ITSN1: variants seen among roughly 807,000 people sequenced by gnomAD.
ITSN1 encodes the protein intersectin-1.
Under a neutral mutation model 239.8 loss-of-function variants are expected in ITSN1, and 58 were observed. The ratio of observed to expected loss-of-function variants is 0.24; its 90% CI spans 0.20 to 0.30. The LOEUF (loss-of-function observed/expected upper bound fraction) is 0.30. Ranked by LOEUF, ITSN1 falls within the 10% of genes least tolerant of loss-of-function variation. The probability of loss-of-function intolerance (pLI) is 1.00; values close to 1 mark genes in which losing one functional copy is unlikely to be tolerated. For synonymous variants in ITSN1, 780 were observed against 770.8 expected (o/e 1.01, Z -0.20); for missense variants, 1,558 against 2,103.3 (o/e 0.74, Z 5.07).
chr21:33,825,528 G>A (rs1021748362), intron 25 of ITSN1, among the ~76,000 whole-genome samples: 1 of 152,186 alleles, frequency 6.6e-6, no homozygotes, highest in African/African-American at 2.4e-5. Context: ...GGACTTTATA[G>A]GTGCAGGGAG....
intron 1 of ITSN1, among the ~76,000 whole-genome samples, chr21:33,684,298 A>C (rs925357456): frequency 6.6e-5 from 10 of 152,198 alleles, no homozygotes; most frequent in African/African-American, 2.4e-4. Flanking sequence ...TCATTGCTAG[A>C]GACTAAATTG....
chr21:33,775,483 C>T (rs886862074), intron 14 of ITSN1, among the ~76,000 whole-genome samples: 2 of 152,084 alleles, frequency 1.3e-5, no homozygotes, highest in South Asian at 4.1e-4. Flanking sequence ...ATAGAGAGTC[C>T]TAGGGATAGG....
At chr21:33,744,019 C>G (rs77841744) in intron 5 of ITSN1, among the ~76,000 whole-genome samples, 2 of 152,156 alleles carry the variant, frequency 1.3e-5, no homozygotes, top group Non-Finnish European at 2.9e-5. Context: ...ATAGCTAGAC[C>G]TAGGTCATCA....
At chr21:33,837,933 T>C (rs2074683482) in intron 29 of ITSN1, 1 of 985,700 alleles carries the variant, frequency 1.0e-6, no homozygotes, top group Admixed American at 6.1e-5. Flanking sequence ...CTCTGTTACA[T>C]GAAGTTTTAT....
chr21:33,872,798 A>C (rs1273229934), intron 33 of ITSN1, among the ~76,000 whole-genome samples: 1 of 152,026 alleles, frequency 6.6e-6, no homozygotes, highest in Non-Finnish European at 1.5e-5. Flanking sequence ...TCCCAAAGCA[A>C]TTTTTATTCT....
intron 1 of ITSN1, among the ~76,000 whole-genome samples, chr21:33,688,064 C>T (rs1228865774): frequency 1.3e-5 from 2 of 150,990 alleles, no homozygotes; most frequent in African/African-American, 4.9e-5. Context: ...TTCAAAAAAT[C>T]ATCACTGTTT....
intron 5 of ITSN1, among the ~76,000 whole-genome samples, chr21:33,738,372 C>T (rs2066629474): frequency 6.6e-6 from 1 of 152,030 alleles, no homozygotes; most frequent in African/African-American, 2.4e-5. Flanking sequence ...GGCCATATTT[C>T]TAACAAAGGA....
chr21:33,851,220 G>T (rs377554282), intron 29 of ITSN1, among the ~76,000 whole-genome samples: 1 of 151,962 alleles, frequency 6.6e-6, no homozygotes, highest in Non-Finnish European at 1.5e-5. Flanking sequence ...CTGGGTGAAG[G>T]CTTGCTCTTG....
rs146486597 is a variant in ITSN1 at position 33,701,044 on chromosome 21, A to G, written c.-32-17753A>G. On this transcript the variant is annotated intron_variant, in intron 1 of 39. Transcript: ENST00000381318. ...TCCCAGGCTGAAGTGCAGTGGTGCAATCTCAGCTCATGCAATGCCACCAAT... is the reference window on the plus strand; with the variant it reads ...TCCCAGGCTGAAGTGCAGTGGTGCAGTCTCAGCTCATGCAATGCCACCAAT... Among the ~76,000 whole-genome samples the G allele has an allele frequency of 1.5e-4, 22 of 150,184 alleles. 1 individual carries two copies. The East Asian group carries it at 3.5e-3, about 24-fold the overall frequency.
rs187895245 is a variant in ITSN1 at position 33,834,365 on chromosome 21, G to A, written c.3410G>A (p.Ser1137Asn). The A allele has an allele frequency of 3.7e-5, 60 of 1,614,128 alleles. No individual in the cohort carries two copies. In the East Asian group the frequency reaches 1.3e-3, roughly 35 times the overall value. ...WFPANYVKLLSPGTSKITPTE... is the reference protein window; with the variant it reads ...WFPANYVKLLNPGTSKITPTE... ...CCAGCTAATTATGTAAAGCTTCTAA[G>A]CCCTGGGACGAGCAAAATCACTCCA... The change falls in exon 28 of 40, where the codon AGC becomes AAC. Residue 1137 changes from serine to asparagine, a missense_variant. Transcript: ENST00000381318.
chr21:33,688,812 CTT>C (rs1006949457), intron 1 of ITSN1, among the ~76,000 whole-genome samples: 2 of 142,372 alleles, frequency 1.4e-5, no homozygotes, highest in African/African-American at 2.6e-5. Flanking sequence ...TTTTTTTTTT[CTT>C]TTTTTTTTTG....
intron 31 of ITSN1, among the ~76,000 whole-genome samples, chr21:33,862,120 G>A (rs1359807624): frequency 1.4e-5 from 2 of 140,416 alleles, no homozygotes; most frequent in African/African-American, 2.7e-5. Flanking sequence ...AACCAAGATC[G>A]TGCCACTGCA....
rs1986345957 is a variant in ITSN1 at position 33,891,280 on chromosome 21, T to C, written c.*2980T>C. On this transcript the variant is annotated 3_prime_UTR_variant, in exon 40 of 40. Coordinates refer to ENST00000381318, the MANE Select transcript of ITSN1 (RefSeq NM_003024.3). Reference sequence around the variant, plus strand: ...ACTAGAGCCAGACTTCCTTGTTTGTTTGGATAATATGTCCCTGTCCTCTGA... The same window carrying C: ...ACTAGAGCCAGACTTCCTTGTTTGTCTGGATAATATGTCCCTGTCCTCTGA... 6.6e-6 allele frequency: 1 copy of C among 152,230 alleles called. No individual in the cohort carries two copies. Among genetic ancestry groups the C allele is most frequent in the Non-Finnish European group, 1.5e-5 (1 of 68,042 alleles). 9.4% of individuals were successfully genotyped at this position (152,230 alleles called of 1,614,324 possible).
intron 1 of ITSN1, among the ~76,000 whole-genome samples, chr21:33,691,461 C>T (rs140323842): frequency 6.6e-6 from 1 of 152,178 alleles, no homozygotes; most frequent in African/African-American, 2.4e-5. Context: ...TTATTCAAGA[C>T]TATTGCAATG....
In ITSN1 at chr21:33,773,684, C is replaced by CTT. The variant is rs1005258198; in HGVS notation, c.1306-1033_1306-1032dup. On this transcript the variant is annotated intron_variant, in intron 12 of 39. Transcript: ENST00000381318. ...GAAACAAAACTTATAGCCATAACTC[C>CTT]TTTTTTTTTTTTTGAGACAGACTCT... Among the ~76,000 whole-genome samples, 646 of 144,364 alleles carry CTT rather than the reference C, an allele frequency of 4.5e-3. 9 individuals carry two copies. The highest frequency in any genetic ancestry group is 0.016 in the African/African-American group (615 of 39,604). 94.7% of individuals were successfully genotyped at this position (144,364 alleles called of 152,430 possible).
intron 32 of ITSN1, among the ~76,000 whole-genome samples, chr21:33,866,209 T>A (rs1981547585): frequency 1.3e-5 from 2 of 151,952 alleles, no homozygotes; most frequent in South Asian, 4.3e-4. Context: ...TGTGAGCTTG[T>A]TGTTTCTGCC....
At chr21:33,783,727 A>G (rs978466444) in intron 16 of ITSN1, among the ~76,000 whole-genome samples, 9 of 151,090 alleles carry the variant, frequency 6.0e-5, no homozygotes, top group Middle Eastern at 3.4e-3. Context: ...TGCAAAGCCT[A>G]TGTTGCTTTT....
At chr21:33,886,123 A>G (rs1198781485) in intron 38 of ITSN1, among the ~76,000 whole-genome samples, 164 bp from the exon 39 acceptor site, 1 of 151,870 alleles carries the variant, frequency 6.6e-6, no homozygotes, top group Non-Finnish European at 1.5e-5. Flanking sequence ...GAGGCAGGAG[A>G]ATCACTTGAG....
At chr21:33,716,585 A>G (rs1456821283) in intron 1 of ITSN1, 1 of 152,196 alleles carries the variant, frequency 6.6e-6, no homozygotes, top group East Asian at 1.9e-4. Context: ...CATTTTACAG[A>G]GAAGCCCATC....
Sources: gnomAD v4.1 joint callset for allele counts (sites outside exome capture counted in the v4.1 genomes callset) on GRCh38, gnomAD v4.1.1 for gene constraint, MANE v1.5 for transcripts, NCBI Gene and HGNC (gene_info 2026-07-23, HGNC 2026-07-21) for gene names.